Variants in PCDHGA8 observed in about 807,000 individuals in gnomAD.
PCDHGA8 encodes protocadherin gamma-A8.
A neutral mutation model predicts 59.2 loss-of-function variants in PCDHGA8; 45 were observed. The ratio of observed to expected loss-of-function variants is 0.76; its 90% confidence interval spans 0.60 to 0.98. The LOEUF is 0.98. Ranked by LOEUF, PCDHGA8 falls within the 50% of genes least tolerant of loss-of-function variation. The pLI, the probability that PCDHGA8 is intolerant of heterozygous loss-of-function variation, is 0.00. For synonymous variants in PCDHGA8, 531 were observed against 519.0 expected (o/e 1.02, Z -0.32); for missense variants, 1,257 against 1,196.2 (o/e 1.05, Z -0.75).
chr5:141,462,354 C>T (rs1157515386), intron 1 of PCDHGA8, among the ~76,000 whole-genome samples: 1 of 152,162 alleles, frequency 6.6e-6, no homozygotes, highest in Non-Finnish European at 1.5e-5. Flanking sequence ...CAAAAATATA[C>T]ATTGTATAGT....
chr5:141,482,103 A>C (rs34394498), intron 1 of PCDHGA8, among the ~76,000 whole-genome samples: 2 of 142,250 alleles, frequency 1.4e-5, no homozygotes, highest in Non-Finnish European at 3.0e-5. Flanking sequence ...AAAAAAAAAA[A>C]AATATCTAGA....
At chr5:141,408,251 C>T (rs761835750) in intron 1 of PCDHGA8, 6 of 1,597,008 alleles carry the variant, frequency 3.8e-6, no homozygotes, top group Middle Eastern at 1.7e-4. Context: ...GCGGCAGGTG[C>T]TATTTCCTTT....
Position 141,431,999 on chromosome 5 carries a change from C to G in PCDHGA8, c.2424+36762C>G. The G allele has an allele frequency of 6.2e-7, 1 of 1,614,158 alleles. No homozygotes were observed. The highest frequency in any genetic ancestry group is 1.1e-5 in the South Asian group (1 of 91,086). On this transcript the variant is annotated intron_variant, in intron 1 of 3. Transcript: ENST00000398604. This position sits in a 1 kb window ranked among gnomAD's most constrained non-coding sequence, Gnocchi z 4.8. ...CACAGACATAGTCTTGGATAGGGAA[C>G]AGGTTCCTAGCTACAACATCACAGT... is the stretch of plus-strand genomic sequence containing the variant.
intron 1 of PCDHGA8, among the ~76,000 whole-genome samples, chr5:141,466,360 G>A (rs2099121274): frequency 6.6e-6 from 1 of 152,070 alleles, no homozygotes; most frequent in South Asian, 2.1e-4. Context: ...TAATCTAGAT[G>A]TAATGGTTTT....
intron 1 of PCDHGA8, among the ~76,000 whole-genome samples, chr5:141,434,467 T>C (rs1397980716): frequency 6.6e-6 from 1 of 152,226 alleles, no homozygotes; most frequent in Non-Finnish European, 1.5e-5. Flanking sequence ...TTTACCGGAA[T>C]GAGGGCAAGG....
intron 1 of PCDHGA8, among the ~76,000 whole-genome samples, chr5:141,448,083 T>C (rs1020024755): frequency 2.6e-5 from 4 of 151,368 alleles, no homozygotes; most frequent in African/African-American, 9.7e-5. Context: ...CGAAATGCCA[T>C]CTTAAAAAAA....
chr5:141,469,802 C>T (rs2099211446), intron 1 of PCDHGA8, among the ~76,000 whole-genome samples: 1 of 152,022 alleles, frequency 6.6e-6, no homozygotes, highest in Admixed American at 6.6e-5. Flanking sequence ...ATTGCAAAAA[C>T]ATTGTAGATA....
At chr5:141,402,407 A>G (rs1365068565) in intron 1 of PCDHGA8, among the ~76,000 whole-genome samples, 1 of 152,106 alleles carries the variant, frequency 6.6e-6, no homozygotes, top group African/African-American at 2.4e-5. Context: ...AATTGTTAAG[A>G]TACACAGAAA....
chr5:141,404,932 C>A, intron 1 of PCDHGA8: 1 of 1,613,944 alleles, frequency 6.2e-7, no homozygotes, highest in Non-Finnish European at 8.5e-7. Flanking sequence ...CTGTCACGCT[C>A]ACAGTAGCCA....
Position 141,477,568 on chromosome 5 carries a change from C to T in PCDHGA8, c.2425-17239C>T, listed in dbSNP as rs2099413139. The T allele has an allele frequency of 6.2e-7, 1 of 1,614,172 alleles. No individual in the cohort carries two copies. The highest frequency in any genetic ancestry group is 1.7e-4 in the Middle Eastern group (1 of 6,060). On this transcript the variant is annotated intron_variant, in intron 1 of 3. Transcript: ENST00000398604. This position sits in a 1 kb window ranked among gnomAD's most constrained non-coding sequence, Gnocchi z 4.9. ...TACTAAACCTAAGTGTCTGGGACCC[C>T]GACGCCCCGCAGAATGCTCGGCTTT...
chr5:141,405,587 G>T, intron 1 of PCDHGA8: 1 of 585,648 alleles, frequency 1.7e-6, no homozygotes, highest in Non-Finnish European at 3.0e-6. Flanking sequence ...TGGGACTACA[G>T]GCCTCCCAAG....
intron 1 of PCDHGA8, among the ~76,000 whole-genome samples, chr5:141,466,436 G>A (rs181613158): frequency 1.3e-5 from 2 of 152,270 alleles, no homozygotes; most frequent in East Asian, 1.9e-4. Context: ...AAGCTGAACC[G>A]AGATGTCTAT....
intron 2 of PCDHGA8, among the ~76,000 whole-genome samples, chr5:141,495,994 T>C (rs2099765151): frequency 6.6e-6 from 1 of 152,146 alleles, no homozygotes; most frequent in Non-Finnish European, 1.5e-5. Flanking sequence ...ATCTCTCTTT[T>C]TCTTTTATCT....
chr5:141,480,021 C>G (rs1415230863), intron 1 of PCDHGA8, among the ~76,000 whole-genome samples: 1 of 152,208 alleles, frequency 6.6e-6, no homozygotes, highest in Non-Finnish European at 1.5e-5. Context: ...AATCTCCTTT[C>G]TAAGCCTCTT....
At chr5:141,462,071 C>T (rs1473972601) in intron 1 of PCDHGA8, among the ~76,000 whole-genome samples, 1 of 152,214 alleles carries the variant, frequency 6.6e-6, no homozygotes, top group African/African-American at 2.4e-5. Context: ...GATCTGCCCG[C>T]CTTGGCCTCC....
At position 141,393,051 on chromosome 5, in the gene PCDHGA8, C is replaced by T; in HGVS notation, c.238C>T (p.Arg80Cys). ...GACGCAGCTCTTTGCTCTGAACCCGCGCAGCGGCAGCTTGATCACCGCGGG... is the reference window on the plus strand; with the variant it reads ...GACGCAGCTCTTTGCTCTGAACCCGTGCAGCGGCAGCTTGATCACCGCGGG... ...GRTQLFALNPRSGSLITAGRI... is the reference protein window; with the variant it reads ...GRTQLFALNPCSGSLITAGRI... Residue 80 changes from arginine to cysteine, a missense_variant, in exon 1 of 4, where the codon CGC becomes TGC. Physicochemically the swap from Arg to Cys is radical, Grantham distance 180. Coordinates refer to ENST00000398604, the MANE Select transcript of PCDHGA8 (RefSeq NM_032088.2). 1 of 1,613,622 alleles carries T rather than the reference C, an allele frequency of 6.2e-7. No homozygotes were observed. The highest frequency in any genetic ancestry group is 8.5e-7 in the Non-Finnish European group (1 of 1,179,878).
At chr5:141,428,220 C>T (rs1228544858) in intron 1 of PCDHGA8, 1 of 1,178,786 alleles carries the variant, frequency 8.5e-7, no homozygotes. Flanking sequence ...ACCTAGTCTT[C>T]GCAGACAGCC....
chr5:141,489,222 A>C lies in PCDHGA8; in HGVS notation c.2425-5585A>C. On this transcript the variant is annotated intron_variant, in intron 1 of 3. Coordinates refer to ENST00000398604, the MANE Select transcript of PCDHGA8 (RefSeq NM_032088.2). The surrounding 1 kb of genome is among the most constrained non-coding windows in gnomAD (Gnocchi z 4.5). ...ACAGGACAGCACAGACTTACTCTCC[A>C]CAAAGGGACTTCTGGGTCATGGGGC... 6.6e-7 allele frequency: 1 copy of C among 1,515,652 alleles called. No individual in the cohort carries two copies. Among genetic ancestry groups the C allele is most frequent in the Middle Eastern group, 1.8e-4 (1 of 5,598 alleles). 93.9% of individuals were successfully genotyped at this position (1,515,652 alleles called of 1,614,324 possible).
At position 141,431,569 on chromosome 5, in the gene PCDHGA8, CGAA is replaced by C. The variant is rs780392922; in HGVS notation, c.2424+36334_2424+36336del. The C allele has an allele frequency of 1.9e-6, 3 of 1,614,000 alleles. No homozygotes were observed. The highest frequency in any genetic ancestry group is 2.7e-5 in the African/African-American group (2 of 74,932). ...TTGTAGTCAACGCTACCGACCCTGA[CGAA>C]GGAGTCAATGCGGAAGTGAGGTATT... On this transcript the variant is annotated intron_variant, in intron 1 of 3. Transcript: ENST00000398604. This position sits in a 1 kb window ranked among gnomAD's most constrained non-coding sequence, Gnocchi z 4.8.
Sources: gnomAD v4.1 joint callset for allele counts (sites outside exome capture counted in the v4.1 genomes callset) on GRCh38, gnomAD v4.1.1 for gene constraint, Gnocchi (gnomAD v3.1) non-coding constraint, MANE v1.5 for transcripts, NCBI Gene and HGNC (gene_info 2026-07-23, HGNC 2026-07-21) for gene names.